TAS2R1: variants seen among roughly 807,000 people sequenced by gnomAD.
TAS2R1 encodes the protein taste receptor type 2 member 1.
For missense variants in TAS2R1, 370 were observed against 353.4 expected (o/e 1.05, Z -0.38); for synonymous variants, 141 against 134.2 (o/e 1.05, Z -0.35).
chr5:9,770,144 C>A, the TAS2R1 span, among the ~76,000 whole-genome samples: 14 of 152,034 alleles, frequency 9.2e-5, no homozygotes, highest in Non-Finnish European at 1.8e-4. Flanking sequence ...ATTCAGTTTT[C>A]CCACATGTTT....
At chr5:9,792,425 T>C in the TAS2R1 span, among the ~76,000 whole-genome samples, 1 of 152,174 alleles carries the variant, frequency 6.6e-6, no homozygotes, top group Non-Finnish European at 1.5e-5. Flanking sequence ...CTGGGAGAAG[T>C]AGGCTTTCTT....
the TAS2R1 span, among the ~76,000 whole-genome samples, chr5:9,778,570 G>A: frequency 1.3e-5 from 2 of 152,202 alleles, no homozygotes; most frequent in African/African-American, 4.8e-5. Context: ...TTAGTTCAGT[G>A]ACATTCATAA....
the TAS2R1 span, among the ~76,000 whole-genome samples, chr5:9,722,096 G>T: frequency 6.6e-6 from 1 of 152,170 alleles, no homozygotes; most frequent in Non-Finnish European, 1.5e-5. Flanking sequence ...CTGCCATTTT[G>T]TAAACCTAAG....
intron 1 of TAS2R1, among the ~76,000 whole-genome samples, chr5:9,672,703 C>T (rs1247962752): frequency 6.6e-6 from 1 of 152,128 alleles, no homozygotes; most frequent in Admixed American, 6.5e-5. Context: ...TTAGTTCAGT[C>T]ATTGTGAAAA....
the TAS2R1 span, among the ~76,000 whole-genome samples, chr5:9,875,761 C>T: frequency 6.6e-6 from 1 of 152,124 alleles, no homozygotes; most frequent in Non-Finnish European, 1.5e-5. Context: ...CAGCATCTCC[C>T]TCCGAGTAGG....
the TAS2R1 span, among the ~76,000 whole-genome samples, chr5:9,896,482 C>A: frequency 6.6e-6 from 1 of 151,886 alleles, no homozygotes; most frequent in Non-Finnish European, 1.5e-5. Context: ...TGAAGCTCTG[C>A]GAGCCTTGTC....
At chr5:9,729,713 T>A in the TAS2R1 span, among the ~76,000 whole-genome samples, 1 of 152,234 alleles carries the variant, frequency 6.6e-6, no homozygotes, top group East Asian at 1.9e-4. Context: ...TGCCTTTAAA[T>A]GTTGTTTTAA....
chr5:9,666,019 T>G (rs941970885), intron 1 of TAS2R1, among the ~76,000 whole-genome samples: 18 of 152,242 alleles, frequency 1.2e-4, no homozygotes, highest in African/African-American at 3.9e-4. Context: ...CATTAGATAC[T>G]TACTAATCAA....
At chr5:9,737,139 G>A in the TAS2R1 span, among the ~76,000 whole-genome samples, 5 of 152,204 alleles carry the variant, frequency 3.3e-5, no homozygotes, top group Admixed American at 2.0e-4. Flanking sequence ...TTGTGAAAGT[G>A]TGCAACCTAT....
At chr5:9,730,929 T>C in the TAS2R1 span, among the ~76,000 whole-genome samples, 3 of 152,208 alleles carry the variant, frequency 2.0e-5, no homozygotes, top group Admixed American at 6.5e-5. Context: ...AGGGATGCCA[T>C]TGTGAGGCCT....
the TAS2R1 span, among the ~76,000 whole-genome samples, chr5:9,790,576 CAATTA>C: frequency 1.2e-4 from 18 of 152,114 alleles, no homozygotes; most frequent in Non-Finnish European, 5.9e-5. Context: ...AAGTATCGTA[CAATTA>C]AATACAGCAT....
chr5:9,632,700 C>T (rs1739891851), upstream of TAS2R1, among the ~76,000 whole-genome samples: 1 of 152,180 alleles, frequency 6.6e-6, no homozygotes. Context: ...AGCACTTCCT[C>T]ATTTCTTAAA....
the TAS2R1 span, among the ~76,000 whole-genome samples, chr5:9,813,644 G>C: frequency 6.6e-6 from 1 of 152,208 alleles, no homozygotes; most frequent in African/African-American, 2.4e-5. Flanking sequence ...TTACAGTATA[G>C]ATTCCTTAGC....
At chr5:9,806,940 A>C in the TAS2R1 span, among the ~76,000 whole-genome samples, 1 of 152,190 alleles carries the variant, frequency 6.6e-6, no homozygotes, top group Non-Finnish European at 1.5e-5. Flanking sequence ...CAGCAGAAGA[A>C]ATAATCAACA....
At chr5:9,865,562 G>C in the TAS2R1 span, among the ~76,000 whole-genome samples, 3 of 152,044 alleles carry the variant, frequency 2.0e-5, no homozygotes, top group Non-Finnish European at 4.4e-5. Flanking sequence ...TCCCTTTGCT[G>C]TTTTCTTTAA....
intron 1 of TAS2R1, among the ~76,000 whole-genome samples, chr5:9,672,723 T>C (rs555085889): frequency 6.6e-6 from 1 of 152,336 alleles, no homozygotes; most frequent in East Asian, 1.9e-4. Flanking sequence ...AGCAGTGTGG[T>C]GATTTTTCAA....
chr5:9,835,527 T>C, the TAS2R1 span, among the ~76,000 whole-genome samples: 5 of 152,220 alleles, frequency 3.3e-5, no homozygotes, highest in African/African-American at 1.2e-4. Context: ...CAGCCTCTAA[T>C]AGAGCCAATT....
intron 1 of TAS2R1, among the ~76,000 whole-genome samples, chr5:9,704,564 C>T (rs976268918): frequency 3.3e-5 from 5 of 151,882 alleles, no homozygotes; most frequent in African/African-American, 1.2e-4. Flanking sequence ...TTTTAAGAAG[C>T]AGAAACATAC....
intron 2 of TAS2R1, among the ~76,000 whole-genome samples, chr5:9,647,884 A>AG (rs1253126249): frequency 6.6e-6 from 1 of 152,170 alleles, no homozygotes; most frequent in Non-Finnish European, 1.5e-5. Context: ...ATTCTACTGA[A>AG]GAGGAAGAAA....
Sources: allele counts gnomAD v4.1 joint callset (sites outside exome capture counted in the v4.1 genomes callset), GRCh38; gene constraint gnomAD v4.1.1; transcripts MANE v1.5; gene names NCBI Gene and HGNC (gene_info 2026-07-23, HGNC 2026-07-21).